LHX2: variants seen among roughly 807,000 people sequenced by gnomAD.
The protein encoded by LHX2 is LIM/homeobox protein Lhx2.
In LHX2, 6 loss-of-function variants were observed where a neutral mutation model predicts 33.0. The ratio of observed to expected loss-of-function variants is 0.18; its 90% CI spans 0.10 to 0.36. The LOEUF is 0.36. LHX2 is among the 10% of genes least tolerant of loss of function. The pLI, the probability that LHX2 is intolerant of heterozygous loss-of-function variation, is 1.00. For missense variants in LHX2, 442 were observed against 586.2 expected (o/e 0.75, Z 2.54); for synonymous variants, 292 against 253.1 (o/e 1.15, Z -1.46).
chr9:124,023,245 A>G (rs1426659617), intron 4 of LHX2, among the ~76,000 whole-genome samples: 1 of 152,072 alleles, frequency 6.6e-6, no homozygotes, highest in Admixed American at 6.5e-5. Context: ...CCTGGGCCAC[A>G]TTGGAAGAAG....
chr9:124,016,676 C>G lies in LHX2; in HGVS notation c.727+1151C>G, dbSNP rs777762017. On this transcript the variant is annotated intron_variant, in intron 3 of 4. Coordinates refer to ENST00000373615, the MANE Select transcript of LHX2 (RefSeq NM_004789.4). The surrounding 1 kb of genome is among the most constrained non-coding windows in gnomAD (Gnocchi z 4.4). ...GGGCGGGTGTTCGCTCCAACGAAATCGCTTGGAGGATCATGGGGCGTGTGT... is the reference window on the plus strand; with the variant it reads ...GGGCGGGTGTTCGCTCCAACGAAATGGCTTGGAGGATCATGGGGCGTGTGT... Among the ~76,000 whole-genome samples, 1 of 152,128 alleles carries G rather than the reference C, an allele frequency of 6.6e-6. No individual in the cohort carries two copies. Among genetic ancestry groups the G allele is most frequent in the African/African-American group, 2.4e-5 (1 of 41,410 alleles).
chr9:124,013,991 G>A lies in LHX2; in HGVS notation c.151G>A (p.Ala51Thr), dbSNP rs1188230279. ...TMPSISSDRAALCAGCGGKIS... is the reference protein window; with the variant it reads ...TMPSISSDRATLCAGCGGKIS... ...GCCGTCCATCAGCAGTGACCGCGCC[G>A]CGCTGTGCGCCGGCTGCGGGGGCAA... The change falls in exon 2 of 5, where the codon GCG (alanine) becomes ACG (threonine). Residue 51 changes from alanine to threonine, a missense_variant. Physicochemically the swap from Ala to Thr is moderately conservative, Grantham distance 58. Transcript: ENST00000373615. The A allele has an allele frequency of 1.9e-6, 3 of 1,613,280 alleles. No homozygotes were observed. Among genetic ancestry groups the A allele is most frequent in the Admixed American group, 1.7e-5 (1 of 60,018 alleles).
At chr9:124,026,496 C>T (rs949784453) in intron 4 of LHX2, among the ~76,000 whole-genome samples, 7 of 151,792 alleles carry the variant, frequency 4.6e-5, no homozygotes, top group Non-Finnish European at 7.4e-5. Context: ...CAAGACCCCA[C>T]TGGAACATCC....
rs997649993 is a variant in LHX2, at chr9:124,016,518, C to T, written c.727+993C>T. Among the ~76,000 whole-genome samples, 2 of 152,108 alleles carry T rather than the reference C, an allele frequency of 1.3e-5. No homozygotes were observed. The highest frequency in any genetic ancestry group is 2.9e-5 in the Non-Finnish European group (2 of 68,034). Reference sequence around the variant, plus strand: ...AGATTTTGTGTTCTTCTTCCTTTTCCCTTTAGTCTAATGCACAAGCAGAAA... The same window carrying T: ...AGATTTTGTGTTCTTCTTCCTTTTCTCTTTAGTCTAATGCACAAGCAGAAA... On this transcript the variant is annotated intron_variant, in intron 3 of 4. Coordinates refer to ENST00000373615, the MANE Select transcript of LHX2 (RefSeq NM_004789.4). This position sits in a 1 kb window ranked among gnomAD's most constrained non-coding sequence, Gnocchi z 4.4.
chr9:124,012,435 C>T lies in LHX2; in HGVS notation c.87C>T (p.Ile29=), dbSNP rs754959160. The T allele has an allele frequency of 6.5e-7, 1 of 1,542,304 alleles. No individual in the cohort carries two copies. Among genetic ancestry groups the T allele is most frequent in the Non-Finnish European group, 8.7e-7 (1 of 1,150,644 alleles). ...DRRAKSEAPA[I]SSAIDRGDTE... is the part of the protein sequence containing the mutation. ...GGGCCAAGAGCGAGGCTCCCGCCAT[C>T]AGCTCCGCCATCGACCGCGGCGACA... Residue 29 remains isoleucine (I), a synonymous_variant, in exon 1 of 5, where the codon ATC becomes ATT. Coordinates refer to ENST00000373615, the MANE Select transcript of LHX2 (RefSeq NM_004789.4). The surrounding 1 kb of genome is among the most constrained non-coding windows in gnomAD (Gnocchi z 4.3).
intron 4 of LHX2, among the ~76,000 whole-genome samples, chr9:124,023,009 A>G (rs10121751): frequency 0.5 from 75,398 of 151,642 alleles, 18,759 homozygotes; most frequent in Admixed American, 0.57. Flanking sequence ...GTGGATGGAG[A>G]ACGTGACTAC....
Position 124,012,341 on chromosome 9 carries a change from C to A in LHX2, c.-8C>A. 1 of 1,496,642 alleles carries A rather than the reference C, an allele frequency of 6.7e-7. No homozygotes were observed. 92.7% of individuals were successfully genotyped at this position (1,496,642 alleles called of 1,614,324 possible). ...AGCCGCGCCCCCGGCCCCGCCGGTCCCGCCGCGATGCTGTTCCACAGTCTG... is the reference window on the plus strand; with the variant it reads ...AGCCGCGCCCCCGGCCCCGCCGGTCACGCCGCGATGCTGTTCCACAGTCTG... On this transcript the variant is annotated 5_prime_UTR_variant, in exon 1 of 5. Coordinates refer to ENST00000373615, the MANE Select transcript of LHX2 (RefSeq NM_004789.4). This position sits in a 1 kb window ranked among gnomAD's most constrained non-coding sequence, Gnocchi z 4.3.
Position 124,021,061 on chromosome 9 carries a change from C to T in LHX2, c.728-38C>T. The stretch of plus-strand genomic sequence containing the variant: ...TGTGGATTTGGCATGGGGGGCGGGT[C>T]AGGAAGTTCACCCACCGGCTCTGTG... On this transcript the variant is annotated intron_variant, in intron 3 of 4. Transcript: ENST00000373615. 2.5e-6 allele frequency: 4 copies of T among 1,596,678 alleles called. No individual in the cohort carries two copies. In the South Asian group the frequency reaches 4.4e-5, roughly 18 times the overall value.
chr9:124,031,738 T>G (rs1451192454), intron 4 of LHX2: 2 of 152,206 alleles, frequency 1.3e-5, no homozygotes, highest in African/African-American at 4.8e-5. Context: ...TTTTTTTTCA[T>G]ATTCAGCCTT....
Position 124,014,970 on chromosome 9 carries a change from T to G in LHX2, c.324-152T>G. On this transcript the variant is annotated intron_variant, in intron 2 of 4. Coordinates refer to ENST00000373615, the MANE Select transcript of LHX2 (RefSeq NM_004789.4). This position sits in a 1 kb window ranked among gnomAD's most constrained non-coding sequence, Gnocchi z 4.8. ...ACAGGACCAGGCCTGGGTCAAAATC[T>G]AGTTCTCTCTCCCCCCCATCCTCCA... 1 of 777,566 alleles carries G rather than the reference T, an allele frequency of 1.3e-6. No individual in the cohort carries two copies. Among genetic ancestry groups the G allele is most frequent in the Non-Finnish European group, 2.0e-6 (1 of 490,994 alleles). 48.2% of individuals were successfully genotyped at this position (777,566 alleles called of 1,614,324 possible).
intron 1 of LHX2, among the ~76,000 whole-genome samples, chr9:124,013,149 C>G (rs534987286): frequency 7.2e-5 from 11 of 152,178 alleles, no homozygotes; most frequent in African/African-American, 2.4e-4. Context: ...GGGGGCCAGA[C>G]GAGCAGACAC....
Position 124,014,317 on chromosome 9 carries a change from G to A in LHX2, c.323+154G>A, listed in dbSNP as rs545144105. On this transcript the variant is annotated intron_variant, in intron 2 of 4. Coordinates refer to ENST00000373615, the MANE Select transcript of LHX2 (RefSeq NM_004789.4). The surrounding 1 kb of genome is among the most constrained non-coding windows in gnomAD (Gnocchi z 4.8). ...CCCCAAGTTCTCCAAGCCACCACAAGTTGGGTGATAACCTTTTAAAGCAGC... is the reference window on the plus strand; with the variant it reads ...CCCCAAGTTCTCCAAGCCACCACAAATTGGGTGATAACCTTTTAAAGCAGC... Among the ~76,000 whole-genome samples the A allele has an allele frequency of 6.6e-6, 1 of 150,482 alleles. No homozygotes were observed. The highest frequency in any genetic ancestry group is 2.1e-4 in the South Asian group (1 of 4,808).
In LHX2 at chr9:124,012,328, G is replaced by A. The variant is rs1314861431; in HGVS notation, c.-21G>A. On this transcript the variant is annotated 5_prime_UTR_variant, in exon 1 of 5. Coordinates refer to ENST00000373615, the MANE Select transcript of LHX2 (RefSeq NM_004789.4). The surrounding 1 kb of genome is among the most constrained non-coding windows in gnomAD (Gnocchi z 4.3). ...CCTCCCTCGGAGGAGCCGCGCCCCCGGCCCCGCCGGTCCCGCCGCGATGCT... is the reference window on the plus strand; with the variant it reads ...CCTCCCTCGGAGGAGCCGCGCCCCCAGCCCCGCCGGTCCCGCCGCGATGCT... The A allele has an allele frequency of 6.8e-6, 10 of 1,477,514 alleles. No individual in the cohort carries two copies. Among genetic ancestry groups the A allele is most frequent in the Non-Finnish European group, 8.9e-6 (10 of 1,118,334 alleles). 91.5% of individuals were successfully genotyped at this position (1,477,514 alleles called of 1,614,324 possible).
At position 124,032,566 on chromosome 9, in the gene LHX2, C is replaced by T. The variant is rs1828716589; in HGVS notation, c.1080C>T (p.Pro360=). 6.2e-7 allele frequency: 1 copy of T among 1,614,168 alleles called. No individual in the cohort carries two copies. Among genetic ancestry groups the T allele is most frequent in the Non-Finnish European group, 8.5e-7 (1 of 1,180,030 alleles). ...ASELSNASLS[P]SSTPTTLTDL... Reference sequence around the variant, plus strand: ...AGCTCTCCAACGCCTCGCTCAGCCCCTCCAGCACGCCCACCACCCTGACAG... The same window carrying T: ...AGCTCTCCAACGCCTCGCTCAGCCCTTCCAGCACGCCCACCACCCTGACAG... Residue 360 remains proline, a synonymous_variant, in exon 5 of 5, where the codon CCC becomes CCT. Transcript: ENST00000373615. This position sits in a 1 kb window ranked among gnomAD's most constrained non-coding sequence, Gnocchi z 4.1.
At chr9:124,027,302 G>C (rs193208958) in intron 4 of LHX2, among the ~76,000 whole-genome samples, 1 of 152,256 alleles carries the variant, frequency 6.6e-6, no homozygotes, top group East Asian at 1.9e-4. Flanking sequence ...ACCCTTCTAA[G>C]AGCACAGGAA....
At chr9:124,029,899 T>A (rs1158992688) in intron 4 of LHX2, among the ~76,000 whole-genome samples, 2 of 152,138 alleles carry the variant, frequency 1.3e-5, no homozygotes, top group Admixed American at 6.5e-5. Flanking sequence ...GGCTTCCCCA[T>A]CCATTTTCTT....
chr9:124,016,676 C>T lies in LHX2; in HGVS notation c.727+1151C>T, dbSNP rs777762017. ...GGGCGGGTGTTCGCTCCAACGAAAT[C>T]GCTTGGAGGATCATGGGGCGTGTGT... On this transcript the variant is annotated intron_variant, in intron 3 of 4. Transcript: ENST00000373615. This position sits in a 1 kb window ranked among gnomAD's most constrained non-coding sequence, Gnocchi z 4.4. 6.6e-6 allele frequency among the ~76,000 whole-genome samples: 1 copy of T among 152,128 alleles called. No individual in the cohort carries two copies. The highest frequency in any genetic ancestry group is 1.5e-5 in the Non-Finnish European group (1 of 68,032).
rs1280189513 is a variant in LHX2, at chr9:124,012,598, G to C, written c.120+130G>C. 2 of 1,147,800 alleles carry C rather than the reference G, an allele frequency of 1.7e-6. No individual in the cohort carries two copies. The highest frequency in any genetic ancestry group is 3.2e-5 in the African/African-American group (2 of 61,570). The allele number at this position is 1,147,800 out of a possible 1,614,324, so 71.1% of individuals were successfully genotyped here. A position where few individuals can be genotyped will look rare whatever the true frequency, so the allele number is the denominator to read the frequency against. On this transcript the variant is annotated intron_variant, in intron 1 of 4. Coordinates refer to ENST00000373615, the MANE Select transcript of LHX2 (RefSeq NM_004789.4). This position sits in a 1 kb window ranked among gnomAD's most constrained non-coding sequence, Gnocchi z 4.3. ...ACTGGGTGCTGGGGATCCTCGGTCA[G>C]AATGCAAGGCCGGTGGCTCCCGGTT...
chr9:124,026,460 CAAAA>C (rs112864105), intron 4 of LHX2, among the ~76,000 whole-genome samples: 2 of 78,782 alleles, frequency 2.5e-5, no homozygotes, highest in Non-Finnish European at 5.5e-5. Context: ...GACTCTGTCT[CAAAA>C]AAAAAAAAAA....
Sources: allele counts gnomAD v4.1 joint callset (sites outside exome capture counted in the v4.1 genomes callset), GRCh38; gene constraint gnomAD v4.1.1; non-coding constraint Gnocchi (gnomAD v3.1); transcripts MANE v1.5; gene names NCBI Gene and HGNC (gene_info 2026-07-23, HGNC 2026-07-21).